The following RERE variants were observed in gnomAD, a reference collection of about 807,000 sequenced individuals.
RERE encodes arginine-glutamic acid dipeptide repeats protein.
RERE carries 40 observed loss-of-function variants against 146.1 expected under a neutral mutation model. The observed-to-expected ratio is 0.27, with a 90% confidence interval of 0.21 to 0.36. The LOEUF is 0.36. RERE is among the 10% of genes least tolerant of loss of function. RERE has a pLI of 1.00. For synonymous variants in RERE, 1,003 were observed against 866.0 expected (o/e 1.16, Z -2.78); for missense variants, 1,933 against 2,138.7 (o/e 0.90, Z 1.90).
chr1:8,629,093 T>A (rs1483063491), intron 2 of RERE, among the ~76,000 whole-genome samples: 1 of 152,194 alleles, frequency 6.6e-6, no homozygotes, highest in Non-Finnish European at 1.5e-5. Context: ...GTATATATAT[T>A]TTTTAAATCT....
intron 12 of RERE, among the ~76,000 whole-genome samples, chr1:8,403,438 T>C (rs1206279973): frequency 1.3e-5 from 2 of 151,498 alleles, no homozygotes; most frequent in African/African-American, 4.9e-5. Flanking sequence ...ATTTTCTTTT[T>C]TTTTTTTTTT....
At chr1:8,571,094 T>G (rs1304845186) in intron 4 of RERE, among the ~76,000 whole-genome samples, 1 of 152,238 alleles carries the variant, frequency 6.6e-6, no homozygotes, top group African/African-American at 2.4e-5. Context: ...CGGTGAACCC[T>G]TGAAGCTGAA....
At chr1:8,589,311 A>G (rs994055733) in intron 4 of RERE, among the ~76,000 whole-genome samples, 13 of 151,494 alleles carry the variant, frequency 8.6e-5, no homozygotes, top group African/African-American at 2.9e-4. Context: ...ATGGTGGTGC[A>G]TGCCTGTAAT....
chr1:8,696,359 T>C (rs1240882300), intron 1 of RERE, among the ~76,000 whole-genome samples: 1 of 152,178 alleles, frequency 6.6e-6, no homozygotes, highest in Non-Finnish European at 1.5e-5. Context: ...GCGTCTGTAA[T>C]CCCAGCACTA....
chr1:8,397,580 TCA>T (rs1351678365), intron 12 of RERE, among the ~76,000 whole-genome samples: 1 of 121,030 alleles, frequency 8.3e-6, no homozygotes, highest in Admixed American at 8.0e-5. Flanking sequence ...AAAATCACAC[TCA>T]CACAGGAAAA....
At position 8,358,580 on chromosome 1, in the gene RERE, G is replaced by GCTCCCGCTCTCGGAT. The variant is rs776543471; in HGVS notation, c.3940_3954dup (p.Ile1314_Glu1318dup). The stretch of plus-strand genomic sequence containing the variant: ...AAGCCCGGCTTCATCCTCTCCCGCA[G>GCTCCCGCTCTCGGAT]CTCCCGCTCTCGGATCTCCCGCTCT... On this transcript the variant is annotated inframe_insertion, in exon 20 of 23. Transcript: ENST00000400908. 2.2e-5 allele frequency: 35 copies of GCTCCCGCTCTCGGAT among 1,605,668 alleles called. No individual in the cohort carries two copies. The highest frequency in any genetic ancestry group is 6.7e-5 in the South Asian group (6 of 89,542).
At chr1:8,568,908 T>C (rs1157434908) in intron 4 of RERE, among the ~76,000 whole-genome samples, 2 of 152,310 alleles carry the variant, frequency 1.3e-5, no homozygotes, top group East Asian at 1.9e-4. Context: ...TGGAGAACCC[T>C]GACTAATACA....
chr1:8,664,327 G>A (rs918304508), intron 1 of RERE, among the ~76,000 whole-genome samples: 7 of 152,154 alleles, frequency 4.6e-5, no homozygotes, highest in African/African-American at 1.4e-4. Context: ...GCCAACCAGT[G>A]TAGAAGTTCT....
intron 2 of RERE, among the ~76,000 whole-genome samples, chr1:8,644,147 T>C (rs1040764987): frequency 7.9e-5 from 12 of 152,206 alleles, no homozygotes; most frequent in African/African-American, 2.2e-4. Flanking sequence ...CCAAGCTCAT[T>C]GTGGGGAATA....
chr1:8,817,246 C>T lies in RERE; in HGVS notation c.-231G>A, dbSNP rs1641933212. 6.6e-6 allele frequency: 1 copy of T among 151,360 alleles called. No homozygotes were observed. The highest frequency in any genetic ancestry group is 2.4e-5 in the African/African-American group (1 of 41,030). The allele number at this position is 151,360 out of a possible 1,614,324, so 9.4% of individuals were successfully genotyped here. ...GGCGGGGATGGGGCGGGAGGCCGCGCGGAGGCTGCGGGGCCGCGGGGCGCA... is the reference window on the plus strand; with the variant it reads ...GGCGGGGATGGGGCGGGAGGCCGCGTGGAGGCTGCGGGGCCGCGGGGCGCA... On this transcript the variant is annotated 5_prime_UTR_variant, in exon 1 of 23. Transcript: ENST00000400908.
intron 9 of RERE, among the ~76,000 whole-genome samples, chr1:8,496,956 G>A (rs1418889740): frequency 2.0e-5 from 3 of 152,184 alleles, no homozygotes; most frequent in African/African-American, 4.8e-5. Context: ...TATGTGTGCC[G>A]TGGTGCTCTG....
chr1:8,529,016 T>A (rs1645604718), intron 7 of RERE, among the ~76,000 whole-genome samples: 1 of 152,156 alleles, frequency 6.6e-6, no homozygotes, highest in Non-Finnish European at 1.5e-5. Flanking sequence ...CATTTTAGAT[T>A]TCGAATTTTC....
At position 8,530,525 on chromosome 1, in the gene RERE, A is replaced by C. The variant is rs149735903; in HGVS notation, c.830+10689T>G. 4.3e-3 allele frequency among the ~76,000 whole-genome samples: 653 copies of C among 152,268 alleles called. 4 individuals carry two copies. The highest frequency in any genetic ancestry group is 0.015 in the African/African-American group (631 of 41,568). On this transcript the variant is annotated intron_variant, in intron 7 of 22. Coordinates refer to ENST00000400908, the MANE Select transcript of RERE (RefSeq NM_001042681.2). ...GGGAGGCGGGGCGGGGAGGGGAAGC[A>C]ACACTCAGGAAATTCTAGAGAAAAA...
At chr1:8,484,766 T>C (rs1163069622) in intron 10 of RERE, among the ~76,000 whole-genome samples, 1 of 152,136 alleles carries the variant, frequency 6.6e-6, no homozygotes, top group Non-Finnish European at 1.5e-5. Flanking sequence ...ATTTGAAATA[T>C]TAAAATAAAA....
rs1646447419 is a variant in RERE, at chr1:8,588,000, T to TA, written c.522+26560dup. 1.3e-5 allele frequency among the ~76,000 whole-genome samples: 2 copies of TA among 152,156 alleles called. 1 individual carries two copies. The highest frequency in any genetic ancestry group is 4.1e-4 in the South Asian group (2 of 4,832). Reference sequence around the variant, plus strand: ...CACTCTGCGTGCAGATGCCGTATCTTACTCATATTCTTACATTCAACAAAC... The same window carrying TA: ...CACTCTGCGTGCAGATGCCGTATCTTAACTCATATTCTTACATTCAACAAAC... On this transcript the variant is annotated intron_variant, in intron 4 of 22. Transcript: ENST00000400908.
intron 1 of RERE, among the ~76,000 whole-genome samples, chr1:8,656,681 C>G (rs1455019125): frequency 6.6e-6 from 1 of 152,178 alleles, no homozygotes; most frequent in African/African-American, 2.4e-5. Context: ...AACTACACTT[C>G]CTCCACCTTA....
chr1:8,507,334 A>T (rs1471755317), intron 8 of RERE, among the ~76,000 whole-genome samples: 1 of 152,246 alleles, frequency 6.6e-6, no homozygotes. Context: ...ATGAAATAAG[A>T]AAGAGCAACA....
Position 8,503,255 on chromosome 1 carries a change from T to G in RERE, c.879+5372A>C, listed in dbSNP as rs561233868. 5.3e-5 allele frequency among the ~76,000 whole-genome samples: 8 copies of G among 152,220 alleles called. No homozygotes were observed. The South Asian group carries it at 1.7e-3, about 32-fold the overall frequency. On this transcript the variant is annotated intron_variant, in intron 8 of 22. Transcript: ENST00000400908. ...CAACACATAAAGCCACGAAAAAAAT[T>G]AGCACTCATATTAGTTGCTAGTGTC...
chr1:8,669,407 A>G (rs1638663464), intron 1 of RERE, among the ~76,000 whole-genome samples: 1 of 152,150 alleles, frequency 6.6e-6, no homozygotes, highest in East Asian at 1.9e-4. Flanking sequence ...CCAATTGTAC[A>G]CTTTAAATAG....
Sources: allele counts gnomAD v4.1 joint callset (sites outside exome capture counted in the v4.1 genomes callset), GRCh38; gene constraint gnomAD v4.1.1; transcripts MANE v1.5; gene names NCBI Gene and HGNC (gene_info 2026-07-23, HGNC 2026-07-21).